ADAMTS2: variants seen among roughly 807,000 people sequenced by gnomAD.
The protein encoded by ADAMTS2 is A disintegrin and metalloproteinase with thrombospondin motifs 2.
Under a neutral mutation model 123.0 loss-of-function variants are expected in ADAMTS2, and 50 were observed. The observed-to-expected ratio is 0.41, with a 90% CI of 0.32 to 0.51. ADAMTS2 has a LOEUF of 0.51. ADAMTS2 is among the 20% of genes least tolerant of loss of function. ADAMTS2 has a pLI of 0.35. For synonymous variants in ADAMTS2, 678 were observed against 695.4 expected, an observed-to-expected ratio of 0.98 and a Z score of 0.39; for missense variants, 1,494 against 1,705.2, an observed-to-expected ratio of 0.88 and a Z score of 2.18.
chr5:179,300,795 AGTCT>A (rs1756493994), intron 2 of ADAMTS2, among the ~76,000 whole-genome samples: 1 of 152,238 alleles, frequency 6.6e-6, no homozygotes, highest in South Asian at 2.1e-4. Flanking sequence ...TTTATTTAAG[AGTCT>A]TCATACATAC....
chr5:179,198,185 C>T (rs970506911), intron 4 of ADAMTS2, among the ~76,000 whole-genome samples: 4 of 152,198 alleles, frequency 2.6e-5, no homozygotes, highest in East Asian at 1.9e-4. Context: ...CTTATCCTCC[C>T]GGCTGGGCCC....
intron 2 of ADAMTS2, among the ~76,000 whole-genome samples, chr5:179,306,699 G>A (rs557172108): frequency 6.2e-4 from 95 of 152,150 alleles, no homozygotes; most frequent in Non-Finnish European, 1.1e-3. Context: ...TCCAGGAAGG[G>A]TGACTGGCCC....
At chr5:179,135,438 G>A (rs1763050239) in intron 13 of ADAMTS2, among the ~76,000 whole-genome samples, 1 of 152,160 alleles carries the variant, frequency 6.6e-6, no homozygotes, top group Admixed American at 6.5e-5. Flanking sequence ...GAAGCCAAAG[G>A]CATCATAATA....
rs1183883558 is a variant in ADAMTS2 at position 179,260,030 on chromosome 5, A to C, written c.688+12881T>G. ...GGAATGACAGAGTGTTAAAGTGGGC[A>C]TAGGGCCCTGCCGGATGGGTCACAA... On this transcript the variant is annotated intron_variant, in intron 3 of 21. Transcript: ENST00000251582. This position sits in a 1 kb window ranked among gnomAD's most constrained non-coding sequence, Gnocchi z 4.2. Among the ~76,000 whole-genome samples, 3 of 152,228 alleles carry C rather than the reference A, an allele frequency of 2.0e-5. No homozygotes were observed. The highest frequency in any genetic ancestry group is 4.4e-5 in the Non-Finnish European group (3 of 68,036).
At chr5:179,326,659 C>G (rs1442973468) in intron 2 of ADAMTS2, among the ~76,000 whole-genome samples, 1 of 151,948 alleles carries the variant, frequency 6.6e-6, no homozygotes, top group African/African-American at 2.4e-5. Context: ...CAGTGCTGGC[C>G]CTCGCTTCAT....
intron 3 of ADAMTS2, among the ~76,000 whole-genome samples, chr5:179,222,275 T>C (rs1765143999): frequency 6.6e-6 from 1 of 151,068 alleles, no homozygotes; most frequent in Admixed American, 6.6e-5. Context: ...CAGACCACGG[T>C]GTTGACGAGG....
intron 2 of ADAMTS2, among the ~76,000 whole-genome samples, chr5:179,300,668 C>T (rs1756489946): frequency 6.6e-6 from 1 of 152,164 alleles, no homozygotes; most frequent in Non-Finnish European, 1.5e-5. Flanking sequence ...CTTTAGCAGA[C>T]GTTTCTCAAA....
At position 179,130,292 on chromosome 5, in the gene ADAMTS2, G is replaced by A. The variant is rs551336265; in HGVS notation, c.2291-194C>T. 7.2e-5 allele frequency among the ~76,000 whole-genome samples: 11 copies of A among 152,138 alleles called. No individual in the cohort carries two copies. The South Asian group carries it at 2.3e-3, about 32-fold the overall frequency. ...CCTGCTTGCCCATCACTGCTCCCTC[G>A]GGACCAGATTACCCTCCACTCGCAT... On this transcript the variant is annotated intron_variant, in intron 15 of 21. Coordinates refer to ENST00000251582, the MANE Select transcript of ADAMTS2 (RefSeq NM_014244.5). This position sits in a 1 kb window ranked among gnomAD's most constrained non-coding sequence, Gnocchi z 4.3.
rs560283204 is a variant in ADAMTS2 at position 179,278,317 on chromosome 5, C to T, written c.535-5253G>A. On this transcript the variant is annotated intron_variant, in intron 2 of 21. Transcript: ENST00000251582. ...TTTTCAAACACTTCAGTATATGCATCCCAGGAATGATCTGTCTAAAACACA... is the reference window on the plus strand; with the variant it reads ...TTTTCAAACACTTCAGTATATGCATTCCAGGAATGATCTGTCTAAAACACA... 3.3e-5 allele frequency among the ~76,000 whole-genome samples: 5 copies of T among 151,930 alleles called. No individual in the cohort carries two copies. The South Asian group carries it at 1.0e-3, about 32-fold the overall frequency.
chr5:179,276,865 T>C (rs1766711368), intron 2 of ADAMTS2, among the ~76,000 whole-genome samples: 2 of 152,242 alleles, frequency 1.3e-5, no homozygotes, highest in African/African-American at 4.8e-5. Context: ...CCTGAGGCCC[T>C]GGGGTTATTC....
At chr5:179,259,201 A>G (rs2113484336) in intron 3 of ADAMTS2, among the ~76,000 whole-genome samples, 1 of 151,778 alleles carries the variant, frequency 6.6e-6, no homozygotes, top group East Asian at 1.9e-4. Context: ...CTCACCCCTC[A>G]GGTACTTCGC....
intron 3 of ADAMTS2, among the ~76,000 whole-genome samples, chr5:179,226,707 G>A (rs948547197): frequency 2.0e-5 from 3 of 152,222 alleles, no homozygotes; most frequent in Admixed American, 6.5e-5. Flanking sequence ...TCCTAGGGTT[G>A]TGGTCATCCT....
chr5:179,215,850 C>T (rs140276109), intron 3 of ADAMTS2, among the ~76,000 whole-genome samples: 80 of 152,290 alleles, frequency 5.3e-4, no homozygotes, highest in Non-Finnish European at 1.0e-3. Flanking sequence ...TCAAAAGCAG[C>T]ATTCGATGCA....
rs1756745797 is a variant in ADAMTS2 at position 179,308,766 on chromosome 5, C to A, written c.534+35001G>T. ...GGCGCGGGCTGCCATGGAACCCCAC[C>A]CTCCTGCAGGTTCCTGGCCCCTCTG... On this transcript the variant is annotated intron_variant, in intron 2 of 21. Coordinates refer to ENST00000251582, the MANE Select transcript of ADAMTS2 (RefSeq NM_014244.5). The surrounding 1 kb of genome is among the most constrained non-coding windows in gnomAD (Gnocchi z 6.6). 6.6e-6 allele frequency among the ~76,000 whole-genome samples: 1 copy of A among 152,140 alleles called. No individual in the cohort carries two copies. Among genetic ancestry groups the A allele is most frequent in the Non-Finnish European group, 1.5e-5 (1 of 68,006 alleles).
chr5:179,247,555 A>G (rs1430826534), intron 3 of ADAMTS2, among the ~76,000 whole-genome samples: 1 of 152,036 alleles, frequency 6.6e-6, no homozygotes, highest in Non-Finnish European at 1.5e-5. Context: ...TGAAAACTCA[A>G]AGAGTTACAT....
At chr5:179,164,037 A>C (rs1763650518) in intron 5 of ADAMTS2, among the ~76,000 whole-genome samples, 2 of 152,272 alleles carry the variant, frequency 1.3e-5, no homozygotes, top group South Asian at 4.1e-4. Context: ...CCTGGGTCCC[A>C]GCAGGGGGTA....
intron 4 of ADAMTS2, among the ~76,000 whole-genome samples, chr5:179,184,414 G>A (rs1375195997): frequency 1.3e-5 from 2 of 151,666 alleles, no homozygotes; most frequent in African/African-American, 4.9e-5. Context: ...AGGAGGCTGA[G>A]GCAGGAGAAT....
At chr5:179,149,468 C>A (rs770962818) in intron 10 of ADAMTS2, among the ~76,000 whole-genome samples, 2 of 152,098 alleles carry the variant, frequency 1.3e-5, no homozygotes, top group African/African-American at 4.8e-5. Context: ...GTCCTGGCAC[C>A]GTGGAAGGCT....
intron 13 of ADAMTS2, among the ~76,000 whole-genome samples, chr5:179,134,785 TCCCGGCTCCAGCC>T (rs1373525654): frequency 1.8e-5 from 1 of 54,656 alleles, no homozygotes; most frequent in Admixed American, 1.9e-4. Flanking sequence ...ATCCCCCAGC[TCCCGGCTCCAGCC>T]CCCAGCTCCC....
Sources: gnomAD v4.1 joint callset for allele counts (sites outside exome capture counted in the v4.1 genomes callset) on GRCh38, gnomAD v4.1.1 for gene constraint, Gnocchi (gnomAD v3.1) non-coding constraint, MANE v1.5 for transcripts, NCBI Gene and HGNC (gene_info 2026-07-23, HGNC 2026-07-21) for gene names.